The following RGS7 variants were observed in gnomAD, a reference collection of about 807,000 sequenced individuals.
RGS7 encodes regulator of G protein signaling 7, also known as regulator of G-protein signaling 7.
In RGS7, 27 loss-of-function variants were observed where a neutral mutation model predicts 81.1. That is an observed-to-expected ratio of 0.33 (90% CI 0.25 to 0.46). RGS7 has a LOEUF of 0.46. RGS7 is among the 20% of genes least tolerant of loss of function. The pLI, the probability that RGS7 is intolerant of heterozygous loss-of-function variation, is 1.00. For missense variants in RGS7, 396 were observed against 607.4 expected (o/e 0.65, Z 3.66); for synonymous variants, 208 against 207.7 (o/e 1.00, Z -0.01).
At chr1:240,950,528 ATAG>A (rs746743216) in intron 4 of RGS7, among the ~76,000 whole-genome samples, 25 of 152,206 alleles carry the variant, frequency 1.6e-4, no homozygotes, top group Non-Finnish European at 2.8e-4. Context: ...GGAAAGGAAG[ATAG>A]TGGTGGGAGA....
intron 3 of RGS7, among the ~76,000 whole-genome samples, chr1:241,009,646 T>A (rs1362912551): frequency 6.6e-6 from 1 of 152,146 alleles, no homozygotes; most frequent in African/African-American, 2.4e-5. Flanking sequence ...ACTGGTGGCA[T>A]CAACTGGCAC....
intron 3 of RGS7, among the ~76,000 whole-genome samples, chr1:241,029,729 G>A (rs2059971677): frequency 6.6e-6 from 1 of 152,132 alleles, no homozygotes; most frequent in Non-Finnish European, 1.5e-5. Context: ...CTTACTGACA[G>A]CTTGTCCCTA....
At chr1:241,028,974 T>C (rs1188131276) in intron 3 of RGS7, among the ~76,000 whole-genome samples, 1 of 151,966 alleles carries the variant, frequency 6.6e-6, no homozygotes, top group Non-Finnish European at 1.5e-5. Context: ...ATAAGATGAA[T>C]GGTGAGAGGA....
chr1:240,830,113 C>T (rs966436985), intron 9 of RGS7, among the ~76,000 whole-genome samples: 15 of 152,124 alleles, frequency 9.9e-5, no homozygotes, highest in Admixed American at 4.6e-4. Context: ...ACATGCAATC[C>T]GAGCCAACAT....
chr1:240,817,460 A>C (rs565457096), intron 10 of RGS7, among the ~76,000 whole-genome samples: 1 of 152,240 alleles, frequency 6.6e-6, no homozygotes, highest in African/African-American at 2.4e-5. Context: ...ATATCTCTAA[A>C]TTCAATGTGT....
chr1:240,965,622 GT>G (rs1359714310), intron 4 of RGS7, among the ~76,000 whole-genome samples: 1 of 152,136 alleles, frequency 6.6e-6, no homozygotes, highest in African/African-American at 2.4e-5. Flanking sequence ...CGGCAGCAGT[GT>G]GGAGGGGCCG....
chr1:241,008,689 C>T (rs969223520), intron 3 of RGS7, among the ~76,000 whole-genome samples: 2 of 151,928 alleles, frequency 1.3e-5, no homozygotes, highest in African/African-American at 4.8e-5. Flanking sequence ...GAGGTGGGCC[C>T]ATCACTTGAG....
intron 2 of RGS7, among the ~76,000 whole-genome samples, chr1:241,239,117 T>C (rs1372665381): frequency 6.6e-6 from 1 of 151,944 alleles, no homozygotes; most frequent in African/African-American, 2.4e-5. Context: ...TACAGGTGTG[T>C]GCCACCACGC....
chr1:241,178,378 T>C (rs1324828352), intron 2 of RGS7, among the ~76,000 whole-genome samples: 1 of 151,964 alleles, frequency 6.6e-6, no homozygotes, highest in Non-Finnish European at 1.5e-5. Flanking sequence ...AGACATAAAT[T>C]TGGGAATCGT....
chr1:241,077,269 T>C (rs1392808360), intron 3 of RGS7, among the ~76,000 whole-genome samples: 6 of 152,190 alleles, frequency 3.9e-5, no homozygotes, highest in African/African-American at 7.2e-5. Context: ...TGTTTCCCTG[T>C]AAACAAGCTG....
intron 2 of RGS7, among the ~76,000 whole-genome samples, chr1:241,171,251 A>G (rs2070713715): frequency 6.6e-6 from 1 of 152,196 alleles, no homozygotes; most frequent in African/African-American, 2.4e-5. Context: ...ATAATGTTGG[A>G]AAAATAAAAT....
At chr1:240,782,662 T>C (rs755893885) in intron 18 of RGS7, among the ~76,000 whole-genome samples, 12 of 152,134 alleles carry the variant, frequency 7.9e-5, no homozygotes, top group Non-Finnish European at 1.6e-4. Context: ...GCTCAAGCGA[T>C]CCTCCCAGCT....
chr1:241,022,352 A>G (rs1005524179), intron 3 of RGS7, among the ~76,000 whole-genome samples: 1 of 152,222 alleles, frequency 6.6e-6, no homozygotes, highest in Admixed American at 6.5e-5. Context: ...ACATAAAATA[A>G]CAGTCCTTTC....
intron 2 of RGS7, among the ~76,000 whole-genome samples, chr1:241,214,111 CT>C (rs2074412895): frequency 6.6e-6 from 1 of 152,166 alleles, no homozygotes; most frequent in Admixed American, 6.6e-5. Context: ...ATGTCTTTTA[CT>C]TGCCTCTCCA....
intron 3 of RGS7, chr1:240,998,567 T>G (rs1255069680): frequency 1.2e-6 from 1 of 831,960 alleles, no homozygotes; most frequent in Non-Finnish European, 2.0e-6. Context: ...CTCCTGCTGG[T>G]ACAGATAGAG....
intron 6 of RGS7, among the ~76,000 whole-genome samples, chr1:240,896,026 C>T (rs1271433013): frequency 1.3e-5 from 2 of 152,196 alleles, no homozygotes; most frequent in Non-Finnish European, 2.9e-5. Flanking sequence ...ATTTGCATTT[C>T]TCTGATGGCC....
At chr1:241,126,442 C>G (rs1364220295) in intron 2 of RGS7, among the ~76,000 whole-genome samples, 1 of 152,206 alleles carries the variant, frequency 6.6e-6, no homozygotes, top group African/African-American at 2.4e-5. Flanking sequence ...AGCCACAGTG[C>G]CTGGCCCCAT....
At chr1:240,871,191 C>T (rs1254983149) in intron 6 of RGS7, among the ~76,000 whole-genome samples, 3 of 152,152 alleles carry the variant, frequency 2.0e-5, no homozygotes, top group African/African-American at 7.2e-5. Flanking sequence ...ATATTTGAGT[C>T]TCATGAAACT....
At chr1:241,018,493 T>C (rs2059380024) in intron 3 of RGS7, among the ~76,000 whole-genome samples, 1 of 152,070 alleles carries the variant, frequency 6.6e-6, no homozygotes, top group Admixed American at 6.5e-5. Context: ...TCCTCTAGTG[T>C]TTGTTTTGTT....
Sources: allele counts gnomAD v4.1 joint callset (sites outside exome capture counted in the v4.1 genomes callset), GRCh38; gene constraint gnomAD v4.1.1; transcripts MANE v1.5; gene names NCBI Gene and HGNC (gene_info 2026-07-23, HGNC 2026-07-21).